Variants in DNAJB14 observed in about 807,000 individuals in gnomAD.
The protein encoded by DNAJB14 is DnaJ heat shock protein family (Hsp40) member B14, also known as dnaJ homolog subfamily B member 14.
DNAJB14 carries 22 observed loss-of-function variants against 48.4 expected under a neutral mutation model. The observed-to-expected ratio is 0.45, with a 90% CI of 0.32 to 0.65. The LOEUF (loss-of-function observed/expected upper bound fraction) is 0.65, where lower values mean the gene tolerates loss of function less well. Among genes scored for constraint, DNAJB14 ranks in the 30% least tolerant of loss-of-function variants. The pLI is 0.03. For synonymous variants in DNAJB14, 142 were observed against 158.7 expected (o/e 0.89, Z 0.79); for missense variants, 319 against 458.8 (o/e 0.70, Z 2.78).
At chr4:99,928,641 C>T (rs1267568695) in intron 2 of DNAJB14, 1 of 428,190 alleles carries the variant, frequency 2.3e-6, no homozygotes, top group East Asian at 7.2e-5. Flanking sequence ...AATGAAGAAA[C>T]AGACTTTTTA....
rs1166988346 is a variant in DNAJB14 at position 99,900,170 on chromosome 4, C to T, written c.*858G>A. The T allele has an allele frequency of 6.6e-6, 1 of 152,300 alleles. No individual in the cohort carries two copies. The highest frequency in any genetic ancestry group is 1.5e-5 in the Non-Finnish European group (1 of 67,848). The allele number at this position is 152,300 out of a possible 1,614,324, so 9.4% of individuals were successfully genotyped here. ...TTCTATGGGGGAAAATGTGAGTCCT[C>T]TTCATAAATTTTAGCAGCCCTTCAA... On this transcript the variant is annotated 3_prime_UTR_variant, in exon 8 of 8. Coordinates refer to ENST00000442697, the MANE Select transcript of DNAJB14 (RefSeq NM_001031723.4).
chr4:99,899,220 T>C lies in DNAJB14; in HGVS notation c.*1808A>G, dbSNP rs1375819202. Reference sequence around the variant, plus strand: ...AATTATCAGCCATAATAGTGTAAATTTGCCATTAAAATTAGAAAAATAAAT... The same window carrying C: ...AATTATCAGCCATAATAGTGTAAATCTGCCATTAAAATTAGAAAAATAAAT... On this transcript the variant is annotated 3_prime_UTR_variant, in exon 8 of 8. Transcript: ENST00000442697. The C allele has an allele frequency of 2.6e-5, 4 of 151,872 alleles. No individual in the cohort carries two copies. Among genetic ancestry groups the C allele is most frequent in the Non-Finnish European group, 5.9e-5 (4 of 67,772 alleles). The allele number at this position is 151,872 out of a possible 1,614,324, so 9.4% of individuals were successfully genotyped here.
At position 99,908,665 on chromosome 4, in the gene DNAJB14, CTA is replaced by C. The variant is rs768797451; in HGVS notation, c.637+44_637+45del. 19 of 1,391,980 alleles carry C rather than the reference CTA, an allele frequency of 1.4e-5. No homozygotes were observed. The South Asian group carries it at 2.2e-4, about 16-fold the overall frequency. 86.2% of individuals were successfully genotyped at this position (1,391,980 alleles called of 1,614,324 possible). On this transcript the variant is annotated intron_variant, in intron 4 of 7. Coordinates refer to ENST00000442697, the MANE Select transcript of DNAJB14 (RefSeq NM_001031723.4). ...TAAATAACGTTAACTGGAGGTAAGA[CTA>C]TGTAGCTTCATAAAATATAATATCT...
chr4:99,901,643 T>C (rs1560728787), intron 7 of DNAJB14, among the ~76,000 whole-genome samples: 3 of 151,912 alleles, frequency 2.0e-5, no homozygotes. Context: ...GGAACACAGA[T>C]AAAAAAAATG....
intron 1 of DNAJB14, among the ~76,000 whole-genome samples, chr4:99,933,899 TTAAAAA>T (rs775907123): frequency 1.3e-5 from 2 of 151,644 alleles, no homozygotes; most frequent in Admixed American, 6.6e-5. Context: ...TAAAAAAAAA[TTAAAAA>T]TAAAAATAAC....
chr4:99,942,295 C>T (rs1000004218), intron 1 of DNAJB14: 24 of 151,742 alleles, frequency 1.6e-4, no homozygotes, highest in African/African-American at 5.6e-4. Context: ...CAAATTACTA[C>T]AGTGTTCCTG....
chr4:99,941,694 A>G (rs1037070684), intron 1 of DNAJB14, among the ~76,000 whole-genome samples: 5 of 152,166 alleles, frequency 3.3e-5, no homozygotes, highest in African/African-American at 7.2e-5. Flanking sequence ...AAAAATGTAT[A>G]TTCAGTAAAA....
At position 99,932,466 on chromosome 4, in the gene DNAJB14, T is replaced by C. The variant is rs117704133; in HGVS notation, c.134-1845A>G. Among the ~76,000 whole-genome samples, 151 of 152,184 alleles carry C rather than the reference T, an allele frequency of 9.9e-4. 2 individuals are homozygous for C. In the East Asian group the frequency reaches 0.022, roughly 22 times the overall value. ...TAAAAATCAAAACCACAAAGAGAAGTATCACTTCAAACCCACATCCAAAAG... is the reference window on the plus strand; with the variant it reads ...TAAAAATCAAAACCACAAAGAGAAGCATCACTTCAAACCCACATCCAAAAG... On this transcript the variant is annotated intron_variant, in intron 1 of 7. Coordinates refer to ENST00000442697, the MANE Select transcript of DNAJB14 (RefSeq NM_001031723.4).
chr4:99,934,243 A>G (rs867600475), intron 1 of DNAJB14, among the ~76,000 whole-genome samples: 7 of 152,296 alleles, frequency 4.6e-5, no homozygotes, highest in East Asian at 1.9e-4. Context: ...ACATTTTTAA[A>G]CATTACACAA....
chr4:99,913,461 G>A (rs11939538), intron 3 of DNAJB14, among the ~76,000 whole-genome samples: 47,749 of 151,760 alleles, frequency 0.31, 8,511 homozygotes, highest in African/African-American at 0.49. Context: ...TTTAATTAAT[G>A]TGGTGGATTA....
At chr4:99,912,241 T>A (rs768111309) in intron 3 of DNAJB14, among the ~76,000 whole-genome samples, 14 of 152,360 alleles carry the variant, frequency 9.2e-5, no homozygotes, top group Non-Finnish European at 1.8e-4. Context: ...TATGTGTGTA[T>A]CTCTCTGCCA....
chr4:99,937,807 A>G (rs1726733368), intron 1 of DNAJB14, among the ~76,000 whole-genome samples: 1 of 151,226 alleles, frequency 6.6e-6, no homozygotes, highest in African/African-American at 2.4e-5. Context: ...AGGGCTGGGC[A>G]TGGTGGCTCA....
rs1197126391 is a variant in DNAJB14, at chr4:99,899,661, A to C, written c.*1367T>G. ...ATCTAGCATTCTCTCACTCACAAAG[A>C]AGTATCAAAGATATGTTTATGTTCC... On this transcript the variant is annotated 3_prime_UTR_variant, in exon 8 of 8. Transcript: ENST00000442697. 6.6e-6 allele frequency: 1 copy of C among 152,408 alleles called. No individual in the cohort carries two copies. Among genetic ancestry groups the C allele is most frequent in the African/African-American group, 2.4e-5 (1 of 41,454 alleles). 9.4% of individuals were successfully genotyped at this position (152,408 alleles called of 1,614,324 possible). A position where few individuals can be genotyped will look rare whatever the true frequency, so the allele number is the denominator to read the frequency against.
At chr4:99,938,170 G>C in intron 1 of DNAJB14, among the ~76,000 whole-genome samples, 1 of 147,544 alleles carries the variant, frequency 6.8e-6, no homozygotes, top group South Asian at 2.2e-4. Flanking sequence ...CAGCTACTTG[G>C]GAGGCTGGAG....
chr4:99,932,104 T>A (rs938686383), intron 1 of DNAJB14, among the ~76,000 whole-genome samples: 3 of 152,148 alleles, frequency 2.0e-5, no homozygotes, highest in Admixed American at 2.0e-4. Flanking sequence ...CTTCATGATG[T>A]TGATTTAGGC....
At chr4:99,921,441 C>A (rs973564708) in intron 3 of DNAJB14, among the ~76,000 whole-genome samples, 9 of 152,142 alleles carry the variant, frequency 5.9e-5, no homozygotes, top group African/African-American at 1.9e-4. Context: ...AAACGCAACA[C>A]AGGCTGCAGA....
In DNAJB14 at chr4:99,903,778, C is replaced by G. The variant is rs1346156115; in HGVS notation, c.963G>C (p.Glu321Asp). Reference protein sequence around the residue: ...MLLQKVEKSVEEDYVTNIRNN... With the variant: ...MLLQKVEKSVDEDYVTNIRNN... ...TTCGAATATTAGTCACATAATCTTCCTCCACACTCTTTTCTACCTTTTGTA... is the reference window on the plus strand; with the variant it reads ...TTCGAATATTAGTCACATAATCTTCGTCCACACTCTTTTCTACCTTTTGTA... Residue 321 changes from glutamate (E) to aspartate (D), a missense_variant, in exon 7 of 8, where the codon GAG becomes GAC. Glu to Asp is a conservative substitution (Grantham distance 45, BLOSUM62 2). Coordinates refer to ENST00000442697, the MANE Select transcript of DNAJB14 (RefSeq NM_001031723.4). 1 of 1,612,512 alleles carries G rather than the reference C, an allele frequency of 6.2e-7. No homozygotes were observed. Among genetic ancestry groups the G allele is most frequent in the Non-Finnish European group, 8.5e-7 (1 of 1,179,286 alleles).
At chr4:99,901,914 G>T (rs1422460884) in intron 7 of DNAJB14, among the ~76,000 whole-genome samples, 1 of 151,998 alleles carries the variant, frequency 6.6e-6, no homozygotes, top group Non-Finnish European at 1.5e-5. Context: ...GAAGACATCT[G>T]GTTTATATGG....
At chr4:99,943,340 T>G (rs1726947101) in intron 1 of DNAJB14, among the ~76,000 whole-genome samples, 1 of 152,228 alleles carries the variant, frequency 6.6e-6, no homozygotes, top group Non-Finnish European at 1.5e-5. Context: ...CTTACATTTC[T>G]TAATTTTTCC....
Sources: allele counts gnomAD v4.1 joint callset (sites outside exome capture counted in the v4.1 genomes callset), GRCh38; gene constraint gnomAD v4.1.1; transcripts MANE v1.5; gene names NCBI Gene and HGNC (gene_info 2026-07-23, HGNC 2026-07-21).